TAFA1: variants seen among roughly 807,000 people sequenced by gnomAD.
TAFA1 encodes TAFA chemokine like family member 1.
TAFA1 carries 4 observed loss-of-function variants against 18.5 expected under a neutral mutation model. The ratio of observed to expected loss-of-function variants is 0.22; its 90% CI spans 0.11 to 0.49. TAFA1 has a LOEUF of 0.49. TAFA1 is among the 20% of genes least tolerant of loss of function. The pLI is 0.98. For missense variants in TAFA1, 147 were observed against 169.0 expected (o/e 0.87, Z 0.72); for synonymous variants, 56 against 55.2 (o/e 1.01, Z -0.06).
upstream of TAFA1, among the ~76,000 whole-genome samples, chr3:67,999,341 A>G (rs1038566615): frequency 7.1e-6 from 1 of 140,798 alleles, no homozygotes; most frequent in Non-Finnish European, 1.5e-5. Context: ...GGAAGCATAC[A>G]AAAGAGTAAC....
At chr3:68,393,731 T>C (rs1261642422) in intron 2 of TAFA1, among the ~76,000 whole-genome samples, 1 of 152,084 alleles carries the variant, frequency 6.6e-6, no homozygotes, top group African/African-American at 2.4e-5. Flanking sequence ...ATAAATATAA[T>C]CCATCACAGA....
intron 2 of TAFA1, among the ~76,000 whole-genome samples, chr3:68,155,234 C>G (rs897175689): frequency 1.3e-5 from 2 of 152,170 alleles, no homozygotes; most frequent in Non-Finnish European, 2.9e-5. Context: ...GCCACTACAT[C>G]ACTCTGCAGT....
intron 2 of TAFA1, among the ~76,000 whole-genome samples, chr3:68,325,555 A>G (rs2068762512): frequency 6.6e-6 from 1 of 152,154 alleles, no homozygotes; most frequent in Non-Finnish European, 1.5e-5. Context: ...TTAATTTTGC[A>G]ACTATTATAG....
At chr3:68,399,804 A>G (rs1031211632) in intron 2 of TAFA1, among the ~76,000 whole-genome samples, 2 of 152,136 alleles carry the variant, frequency 1.3e-5, no homozygotes, top group Admixed American at 6.6e-5. Context: ...TGAAGCAAAT[A>G]AAAGGAGGAC....
chr3:68,278,654 G>A (rs2067839428), intron 2 of TAFA1, among the ~76,000 whole-genome samples: 2 of 152,202 alleles, frequency 1.3e-5, no homozygotes, highest in Admixed American at 6.6e-5. Flanking sequence ...TCTTTTAGCT[G>A]TAAGCCCAGG....
upstream of TAFA1, among the ~76,000 whole-genome samples, chr3:68,000,873 A>G (rs1339358114): frequency 1.3e-5 from 2 of 152,132 alleles, no homozygotes; most frequent in African/African-American, 2.4e-5. Context: ...ATGGGGAGGG[A>G]CATGGCCAGA....
chr3:68,431,853 C>T (rs1441992446), intron 3 of TAFA1, among the ~76,000 whole-genome samples: 1 of 151,784 alleles, frequency 6.6e-6, no homozygotes, highest in Non-Finnish European at 1.5e-5. Flanking sequence ...CCGAGCTCCC[C>T]GAAAAAGAAA....
At chr3:68,163,869 A>G (rs760608438) in intron 2 of TAFA1, among the ~76,000 whole-genome samples, 19 of 152,190 alleles carry the variant, frequency 1.2e-4, no homozygotes, top group Non-Finnish European at 2.5e-4. Context: ...CTGCCAGGGA[A>G]CTTGCTAAGG....
intron 3 of TAFA1, among the ~76,000 whole-genome samples, chr3:68,474,249 T>C (rs543704624): frequency 4.4e-4 from 67 of 152,288 alleles, no homozygotes; most frequent in South Asian, 3.7e-3. Flanking sequence ...TATAAGTCTG[T>C]ATGTTTCCAG....
At chr3:68,288,862 A>G (rs1351660493) in intron 2 of TAFA1, among the ~76,000 whole-genome samples, 1 of 152,190 alleles carries the variant, frequency 6.6e-6, no homozygotes, top group African/African-American at 2.4e-5. Context: ...CTGTAGGGAG[A>G]AAAAATGAAA....
At chr3:68,332,122 C>G (rs2106732688) in intron 2 of TAFA1, among the ~76,000 whole-genome samples, 1 of 151,754 alleles carries the variant, frequency 6.6e-6, no homozygotes, top group South Asian at 2.1e-4. Context: ...CTCGGCCTCC[C>G]AAAGTGCTGA....
intron 2 of TAFA1, among the ~76,000 whole-genome samples, chr3:68,143,019 A>G (rs755511816): frequency 3.1e-4 from 47 of 152,214 alleles, no homozygotes; most frequent in African/African-American, 1.0e-3. Context: ...ACTCTTTAAG[A>G]TGCCTCACCT....
At chr3:68,261,369 G>A (rs1175182068) in intron 2 of TAFA1, among the ~76,000 whole-genome samples, 3 of 152,140 alleles carry the variant, frequency 2.0e-5, no homozygotes, top group African/African-American at 7.2e-5. Context: ...ATTCCTCAGG[G>A]ATCTAGAACT....
chr3:68,179,683 A>T (rs1240475138), intron 2 of TAFA1, among the ~76,000 whole-genome samples: 1 of 152,210 alleles, frequency 6.6e-6, no homozygotes, highest in Non-Finnish European at 1.5e-5. Context: ...AACATCAGCT[A>T]ATCTGCCTCT....
intron 2 of TAFA1, among the ~76,000 whole-genome samples, chr3:68,142,573 T>C (rs1370547118): frequency 6.6e-6 from 1 of 152,188 alleles, no homozygotes; most frequent in African/African-American, 2.4e-5. Context: ...CAGCCATCTG[T>C]GGCAACAGAT....
chr3:68,072,639 G>C (rs955382335), intron 2 of TAFA1, among the ~76,000 whole-genome samples: 3 of 152,144 alleles, frequency 2.0e-5, no homozygotes, highest in Non-Finnish European at 2.9e-5. Flanking sequence ...AGAGAGGGAC[G>C]ACGAGCCAGG....
chr3:68,097,483 T>G (rs1190817137), intron 2 of TAFA1, among the ~76,000 whole-genome samples: 1 of 152,122 alleles, frequency 6.6e-6, no homozygotes, highest in Non-Finnish European at 1.5e-5. Flanking sequence ...AAGTGAGCAT[T>G]GGATGAAATG....
intron 3 of TAFA1, among the ~76,000 whole-genome samples, chr3:68,459,228 G>C (rs2071728096): frequency 6.6e-6 from 1 of 152,174 alleles, no homozygotes; most frequent in South Asian, 2.1e-4. Flanking sequence ...TGTCCTGAGA[G>C]GGGAGTGGGG....
chr3:68,289,979 G>C (rs941614789), intron 2 of TAFA1, among the ~76,000 whole-genome samples: 1 of 152,204 alleles, frequency 6.6e-6, no homozygotes, highest in African/African-American at 2.4e-5. Flanking sequence ...CAGGTGCCTT[G>C]ACTCTTATGC....
Sources: allele counts gnomAD v4.1 joint callset (sites outside exome capture counted in the v4.1 genomes callset), GRCh38; gene constraint gnomAD v4.1.1; transcripts MANE v1.5; gene names NCBI Gene and HGNC (gene_info 2026-07-23, HGNC 2026-07-21).